The following SLC71A2 variants were observed in gnomAD, a reference collection of about 807,000 sequenced individuals.
SLC71A2 encodes hippocampus abundant transcript-like 1.
chr9:94,438,089 C>T, the SLC71A2 span, among the ~76,000 whole-genome samples: 8 of 151,782 alleles, frequency 5.3e-5, no homozygotes, highest in Non-Finnish European at 1.0e-4. Flanking sequence ...CCACCACGCC[C>T]GGCTAGTTTT....
chr9:94,427,010 A>C, the SLC71A2 span, among the ~76,000 whole-genome samples: 3 of 151,940 alleles, frequency 2.0e-5, no homozygotes, highest in African/African-American at 7.3e-5. Context: ...TAAGCTTGAG[A>C]TTTTTTTTCA....
chr9:94,408,053 G>A, the SLC71A2 span, among the ~76,000 whole-genome samples: 2 of 152,124 alleles, frequency 1.3e-5, no homozygotes, highest in African/African-American at 4.8e-5. Context: ...CAAGAGGACT[G>A]TGCCTAATTA....
At chr9:94,428,220 A>C in the SLC71A2 span, among the ~76,000 whole-genome samples, 1 of 151,640 alleles carries the variant, frequency 6.6e-6, no homozygotes, top group African/African-American at 2.4e-5. Context: ...TGACAAATCA[A>C]GTTATTCAAC....
At chr9:94,447,617 A>T in the SLC71A2 span, among the ~76,000 whole-genome samples, 1 of 151,816 alleles carries the variant, frequency 6.6e-6, no homozygotes, top group Non-Finnish European at 1.5e-5. Flanking sequence ...CACTATCAAC[A>T]TCTCCCACGA....
chr9:94,424,230 G>A, the SLC71A2 span, among the ~76,000 whole-genome samples: 2 of 147,648 alleles, frequency 1.4e-5, no homozygotes, highest in African/African-American at 5.1e-5. Context: ...ATAGTAATAT[G>A]TTTTTTTTTG....
At chr9:94,404,992 G>A in the SLC71A2 span, among the ~76,000 whole-genome samples, 51 of 152,032 alleles carry the variant, frequency 3.4e-4, no homozygotes, top group South Asian at 2.5e-3. Flanking sequence ...TTAGATTTTT[G>A]GTCCATTTTG....
chr9:94,402,031 C>T, the SLC71A2 span, among the ~76,000 whole-genome samples: 3 of 152,114 alleles, frequency 2.0e-5, no homozygotes, highest in Admixed American at 6.5e-5. Flanking sequence ...ATAGCAGTGA[C>T]GATGACCAGA....
the SLC71A2 span, among the ~76,000 whole-genome samples, chr9:94,449,650 A>G: frequency 6.6e-6 from 1 of 152,238 alleles, no homozygotes; most frequent in Non-Finnish European, 1.5e-5. Flanking sequence ...AGCTGCTGTA[A>G]GAAAACAGCC....
At chr9:94,445,267 T>A in the SLC71A2 span, 1 of 1,085,522 alleles carries the variant, frequency 9.2e-7, no homozygotes. Flanking sequence ...GCCTCAAGGA[T>A]CCTAGCAGTT....
the SLC71A2 span, chr9:94,451,321 G>GT: frequency 2.2e-6 from 1 of 450,172 alleles, no homozygotes; most frequent in East Asian, 3.7e-5. Flanking sequence ...GGTTATATAG[G>GT]TTCAGCTTTC....
chr9:94,432,301 G>C, the SLC71A2 span, among the ~76,000 whole-genome samples: 5 of 151,656 alleles, frequency 3.3e-5, no homozygotes, highest in Non-Finnish European at 7.4e-5. Flanking sequence ...GGGAGTTTGA[G>C]ACCAGCCTGA....
At chr9:94,445,945 A>G in the SLC71A2 span, among the ~76,000 whole-genome samples, 1 of 152,220 alleles carries the variant, frequency 6.6e-6, no homozygotes, top group South Asian at 2.1e-4. Context: ...AATGTCAGAC[A>G]CCAAAAGAAA....
the SLC71A2 span, among the ~76,000 whole-genome samples, chr9:94,388,394 A>G: frequency 6.6e-5 from 10 of 152,314 alleles, no homozygotes; most frequent in South Asian, 4.1e-4. Flanking sequence ...TGACCTGGCA[A>G]TCACTCTTCA....
the SLC71A2 span, chr9:94,459,433 C>T: frequency 6.2e-7 from 1 of 1,611,704 alleles, no homozygotes; most frequent in Non-Finnish European, 8.5e-7. Flanking sequence ...AAGTGGGATT[C>T]TGCATACGCC....
chr9:94,429,912 T>TTA, the SLC71A2 span, among the ~76,000 whole-genome samples: 445 of 150,666 alleles, frequency 3.0e-3, no homozygotes, highest in Middle Eastern at 6.9e-3. Context: ...TTATTTTATT[T>TTA]TTTTTTTTTT....
chr9:94,434,883 C>CA, the SLC71A2 span, among the ~76,000 whole-genome samples: 1 of 152,100 alleles, frequency 6.6e-6, no homozygotes, highest in Non-Finnish European at 1.5e-5. Flanking sequence ...AATTTTATCC[C>CA]AAAAAGTATT....
the SLC71A2 span, among the ~76,000 whole-genome samples, chr9:94,417,418 G>A: frequency 6.6e-6 from 1 of 152,078 alleles, no homozygotes; most frequent in Non-Finnish European, 1.5e-5. Flanking sequence ...GCTTGAGGAT[G>A]GGAGTTCGAG....
chr9:94,439,761 TTTCTTTA>T, the SLC71A2 span, among the ~76,000 whole-genome samples: 6 of 152,216 alleles, frequency 3.9e-5, no homozygotes, highest in South Asian at 1.0e-3. Context: ...CTTAATATTT[TTTCTTTA>T]GATCTTATAC....
the SLC71A2 span, among the ~76,000 whole-genome samples, chr9:94,434,320 CT>C: frequency 6.6e-6 from 1 of 152,066 alleles, no homozygotes; most frequent in African/African-American, 2.4e-5. Flanking sequence ...CAAGACTTGT[CT>C]TTTTTATTTT....
Sources: gnomAD v4.1 joint callset for allele counts (sites outside exome capture counted in the v4.1 genomes callset) on GRCh38, gnomAD v4.1.1 for gene constraint, MANE v1.5 for transcripts, NCBI Gene and HGNC (gene_info 2026-07-23, HGNC 2026-07-21) for gene names.